MAGI1: variants seen among roughly 807,000 people sequenced by gnomAD.
The protein encoded by MAGI1 is membrane-associated guanylate kinase, WW and PDZ domain-containing protein 1.
A neutral mutation model predicts 139.9 loss-of-function variants in MAGI1; 58 were observed. The observed-to-expected ratio is 0.41, with a 90% CI of 0.34 to 0.52. MAGI1 has a LOEUF of 0.52. Ranked by LOEUF, MAGI1 falls within the 20% of genes least tolerant of loss-of-function variation. The pLI is 0.12. For missense variants in MAGI1, 1,874 were observed against 1,901.6 expected (o/e 0.99, Z 0.27); for synonymous variants, 812 against 737.9 (o/e 1.10, Z -1.63).
intron 3 of MAGI1, among the ~76,000 whole-genome samples, chr3:65,483,319 C>T (rs575696391): frequency 3.6e-4 from 55 of 152,314 alleles, no homozygotes; most frequent in Admixed American, 1.2e-3. Flanking sequence ...TTCTTTGCCT[C>T]TATGCACCCT....
intron 1 of MAGI1, among the ~76,000 whole-genome samples, chr3:65,958,649 T>C (rs1281861226): frequency 1.3e-5 from 2 of 152,172 alleles, no homozygotes; most frequent in African/African-American, 4.8e-5. Context: ...ATATGGCCCA[T>C]ATATCGGAGG....
Position 65,379,371 on chromosome 3 carries a change from A to T in MAGI1, c.2885T>A (p.Val962Asp). 6.2e-7 allele frequency: 1 copy of T among 1,612,604 alleles called. No homozygotes were observed. The highest frequency in any genetic ancestry group is 8.5e-7 in the Non-Finnish European group (1 of 1,179,228). Residue 962 changes from valine (V) to aspartate (D), a missense_variant, in exon 17 of 23, where the codon GTC becomes GAC. Val to Asp is a radical substitution (Grantham distance 152). This residue lies in a region of MAGI1 where 482 missense variants were observed against 509.6 expected (regional missense o/e 0.95). Transcript: ENST00000402939. ...GTCGTAGGGCTGCACCACGGTGCTG[A>T]CCACGCCGCTGCCCCCGCCGCCGCC... Reference protein sequence around the residue: ...GSGGGGGSGVVSTVVQPYDVE... With the variant: ...GSGGGGGSGVDSTVVQPYDVE...
intron 7 of MAGI1, among the ~76,000 whole-genome samples, chr3:65,444,691 T>C (rs1188649601): frequency 1.3e-5 from 2 of 152,140 alleles, no homozygotes; most frequent in African/African-American, 4.8e-5. Flanking sequence ...TGTGCTTTGA[T>C]GGAGGGCCGA....
At chr3:65,925,692 T>G (rs1432604119) in intron 1 of MAGI1, among the ~76,000 whole-genome samples, 2 of 152,136 alleles carry the variant, frequency 1.3e-5, no homozygotes, top group East Asian at 3.8e-4. Context: ...GGACTAACTT[T>G]TTTTTTAGAC....
chr3:65,736,194 G>A (rs1048711494), intron 1 of MAGI1, among the ~76,000 whole-genome samples: 1 of 152,138 alleles, frequency 6.6e-6, no homozygotes, highest in African/African-American at 2.4e-5. Context: ...AGAGCACTTT[G>A]ATTTCTATCA....
At chr3:65,880,948 T>A (rs1380817591) in intron 1 of MAGI1, among the ~76,000 whole-genome samples, 1 of 151,958 alleles carries the variant, frequency 6.6e-6, no homozygotes, top group Admixed American at 6.5e-5. Context: ...TAACAGGGTC[T>A]CCCTCTGTCA....
intron 12 of MAGI1, among the ~76,000 whole-genome samples, chr3:65,421,897 T>C (rs1165833596): frequency 6.6e-5 from 10 of 152,194 alleles, no homozygotes; most frequent in Admixed American, 2.0e-4. Context: ...GAGCAGTTAC[T>C]AAACATGGAA....
intron 1 of MAGI1, among the ~76,000 whole-genome samples, chr3:65,871,976 G>A (rs2059954562): frequency 6.6e-6 from 1 of 152,142 alleles, no homozygotes; most frequent in African/African-American, 2.4e-5. Flanking sequence ...CTGCCTCCCA[G>A]TCTTCTGCAG....
At chr3:65,585,596 GA>G (rs1340828468) in intron 2 of MAGI1, among the ~76,000 whole-genome samples, 1 of 152,140 alleles carries the variant, frequency 6.6e-6, no homozygotes, top group Non-Finnish European at 1.5e-5. Flanking sequence ...AGCCACTTTG[GA>G]AAAAGCTTGA....
intron 2 of MAGI1, among the ~76,000 whole-genome samples, chr3:65,536,914 G>C (rs1228372148): frequency 6.6e-6 from 1 of 152,120 alleles, no homozygotes; most frequent in Non-Finnish European, 1.5e-5. Context: ...ACATGGTTTG[G>C]GTACCCAGAG....
chr3:65,515,821 G>C (rs2077843888), intron 2 of MAGI1, among the ~76,000 whole-genome samples: 1 of 152,086 alleles, frequency 6.6e-6, no homozygotes, highest in Admixed American at 6.5e-5. Context: ...CAGAGAAAAG[G>C]TATTGCTATT....
At chr3:65,469,920 ATATT>A (rs1950448518) in intron 5 of MAGI1, 1 of 147,836 alleles carries the variant, frequency 6.8e-6, no homozygotes, top group South Asian at 2.1e-4. Flanking sequence ...ATTTTTAAAT[ATATT>A]TAAATATTTA....
intron 1 of MAGI1, among the ~76,000 whole-genome samples, chr3:65,946,522 T>A (rs1252949881): frequency 6.6e-6 from 1 of 152,070 alleles, no homozygotes; most frequent in Non-Finnish European, 1.5e-5. Context: ...AGGGTGGCAA[T>A]GACTTTCAGC....
chr3:65,615,301 G>A (rs985604809), intron 2 of MAGI1, among the ~76,000 whole-genome samples: 1 of 152,110 alleles, frequency 6.6e-6, no homozygotes, highest in Non-Finnish European at 1.5e-5. Context: ...CAAAACCACT[G>A]TCTTCCCCGT....
At chr3:65,835,181 T>C (rs59027801) in intron 1 of MAGI1, among the ~76,000 whole-genome samples, 14,074 of 152,254 alleles carry the variant, frequency 0.092, 1,060 homozygotes, top group South Asian at 0.23. Context: ...TTCTACGTTG[T>C]TCTGGGTTGC....
At chr3:65,617,572 GGCACTCCAGCTCCAA>G (rs1323402464) in intron 2 of MAGI1, among the ~76,000 whole-genome samples, 3 of 152,086 alleles carry the variant, frequency 2.0e-5, no homozygotes, top group African/African-American at 7.2e-5. Flanking sequence ...GCTGTGAACG[GGCACTCCAGCTCCAA>G]GCTCATGGGA....
In MAGI1 at chr3:65,383,745, T is replaced by C. The variant is rs62252612; in HGVS notation, c.2417-122A>G. 1.6e-3 allele frequency: 1,158 copies of C among 707,466 alleles called. 1 individual carries two copies. Among genetic ancestry groups the C allele is most frequent in the Non-Finnish European group, 2.6e-3 (1,037 of 396,772 alleles). The allele number at this position is 707,466 out of a possible 1,614,324, so 43.8% of individuals were successfully genotyped here. ...TTGATCAGATGGAAGATTTTCAATATAGGCAAAGAAACAAAATACTCTGAA... is the reference window on the plus strand; with the variant it reads ...TTGATCAGATGGAAGATTTTCAATACAGGCAAAGAAACAAAATACTCTGAA... On this transcript the variant is annotated intron_variant, in intron 14 of 22. Coordinates refer to ENST00000402939, the MANE Select transcript of MAGI1 (RefSeq NM_001033057.2).
intron 12 of MAGI1, among the ~76,000 whole-genome samples, chr3:65,403,938 A>T (rs1945118700): frequency 6.6e-6 from 1 of 152,264 alleles, no homozygotes; most frequent in Non-Finnish European, 1.5e-5. Flanking sequence ...CTAGGTTAAA[A>T]GGAATGAGCT....
chr3:65,423,313 A>G (rs1290300891), intron 12 of MAGI1, among the ~76,000 whole-genome samples: 1 of 152,132 alleles, frequency 6.6e-6, no homozygotes, highest in Non-Finnish European at 1.5e-5. Flanking sequence ...CTCTCTGTGC[A>G]TGGCTTACCG....
Sources: gnomAD v4.1 joint callset for allele counts (sites outside exome capture counted in the v4.1 genomes callset) on GRCh38, gnomAD v4.1.1 for gene constraint, gnomAD v4.1.1 regional missense constraint, MANE v1.5 for transcripts, NCBI Gene and HGNC (gene_info 2026-07-23, HGNC 2026-07-21) for gene names.